Variants in GALNT9 observed in about 807,000 individuals in gnomAD.
GALNT9 encodes polypeptide N-acetylgalactosaminyltransferase 9, also known as GalNAc transferase 9.
GALNT9 carries 47 observed loss-of-function variants against 63.1 expected under a neutral mutation model. That is an observed-to-expected ratio of 0.75 (90% confidence interval 0.59 to 0.95). The LOEUF (loss-of-function observed/expected upper bound fraction) is 0.95, where lower values mean the gene tolerates loss of function less well. Among genes scored for constraint, GALNT9 ranks in the 40% least tolerant of loss-of-function variants. The probability of loss-of-function intolerance (pLI) is 0.00; values close to 1 mark genes in which losing one functional copy is unlikely to be tolerated. For synonymous variants in GALNT9, 396 were observed against 365.7 expected (o/e 1.08, Z -0.94); for missense variants, 829 against 874.8 (o/e 0.95, Z 0.66).
chr12:132,300,074 C>G (rs1555243697), intron 1 of GALNT9, among the ~76,000 whole-genome samples: 1 of 147,482 alleles, frequency 6.8e-6, no homozygotes, highest in Admixed American at 6.8e-5. Flanking sequence ...CTGAGATGAC[C>G]AGCCCACTCC....
At chr12:132,291,388 ACAGCACCCACG>A (rs1555242737) in intron 1 of GALNT9, among the ~76,000 whole-genome samples, 1 of 124,364 alleles carries the variant, frequency 8.0e-6, no homozygotes, top group Non-Finnish European at 1.7e-5. Context: ...ACCCACGTCC[ACAGCACCCACG>A]TCCACAGCGC....
In GALNT9 at chr12:132,197,154, C is replaced by T. The variant is rs1306075615; in HGVS notation, c.1765G>A (p.Gly589Arg). 3 of 1,614,040 alleles carry T rather than the reference C, an allele frequency of 1.9e-6. No homozygotes were observed. The highest frequency in any genetic ancestry group is 2.2e-5 in the South Asian group (2 of 91,090). ...CAGTTTCTGATCATCCACTTCTGCCCCGAGCACCTCTGTACCACCAGCCGG... is the reference window on the plus strand; with the variant it reads ...CAGTTTCTGATCATCCACTTCTGCCTCGAGCACCTCTGTACCACCAGCCGG... ...GLRLVVQRCS[G>R]QKWMIRNWIK... The change falls in exon 11 of 11, where the codon GGG (glycine) becomes AGG (arginine). Residue 589 changes from glycine to arginine, a missense_variant. Transcript: ENST00000328957.
chr12:132,322,555 G>C (rs1161930593), intron 1 of GALNT9, among the ~76,000 whole-genome samples: 2 of 152,238 alleles, frequency 1.3e-5, no homozygotes, highest in Non-Finnish European at 2.9e-5. Context: ...GTGAGTGTTT[G>C]CACAGGGAAT....
At chr12:132,201,374 C>T (rs1208308827) in intron 7 of GALNT9, 113 bp from the exon 8 acceptor site, 1 of 674,896 alleles carries the variant, frequency 1.5e-6, no homozygotes, top group Non-Finnish European at 2.6e-6. Context: ...GAGCAGCCTC[C>T]CCCCCAGTAT....
At position 132,246,666 on chromosome 12, in the gene GALNT9, G is replaced by A. The variant is rs1316588381; in HGVS notation, c.1077+1244C>T. On this transcript the variant is annotated intron_variant, in intron 6 of 10. Transcript: ENST00000328957. The surrounding 1 kb of genome is among the most constrained non-coding windows in gnomAD (Gnocchi z 4.7). ...TCCTGCCTCAGCCTCCTGAGTAGCT[G>A]GGATTATAGGCATGCACCACCATGC... Among the ~76,000 whole-genome samples, 1 of 152,182 alleles carries A rather than the reference G, an allele frequency of 6.6e-6. No individual in the cohort carries two copies. The highest frequency in any genetic ancestry group is 1.5e-5 in the Non-Finnish European group (1 of 68,032).
chr12:132,320,500 A>G (rs988898870), intron 1 of GALNT9, among the ~76,000 whole-genome samples: 5 of 152,272 alleles, frequency 3.3e-5, no homozygotes, highest in Admixed American at 1.3e-4. Context: ...CGTTTCTTAA[A>G]TAAGTGATGG....
intron 6 of GALNT9, chr12:132,205,307 G>A (rs1876597050): frequency 6.6e-6 from 1 of 152,216 alleles, no homozygotes; most frequent in Non-Finnish European, 1.5e-5. Context: ...TCTGCCTTCA[G>A]GAAGCCGAGT....
chr12:132,270,317 T>TCACCAGGAACCTC (rs1555240610), intron 2 of GALNT9, among the ~76,000 whole-genome samples: 1 of 152,084 alleles, frequency 6.6e-6, no homozygotes, highest in Non-Finnish European at 1.5e-5. Context: ...TGAAATACGA[T>TCACCAGGAACCTC]CACCAGGAAC....
chr12:132,305,134 G>C (rs1208202277), intron 1 of GALNT9, among the ~76,000 whole-genome samples: 241 of 20,920 alleles, frequency 0.012, 1 homozygote, highest in Middle Eastern at 0.1. Flanking sequence ...CCCGGGCACA[G>C]CCTCGCCCGG....
At chr12:132,295,303 A>C (rs1292652795) in intron 1 of GALNT9, among the ~76,000 whole-genome samples, 1 of 152,240 alleles carries the variant, frequency 6.6e-6, no homozygotes, top group Non-Finnish European at 1.5e-5. Context: ...GGCGCTGTGC[A>C]GGCAGGGAAG....
chr12:132,268,593 C>T (rs1315192302), intron 2 of GALNT9, among the ~76,000 whole-genome samples: 3 of 152,236 alleles, frequency 2.0e-5, no homozygotes, highest in African/African-American at 7.2e-5. Context: ...GAAAGACACT[C>T]AGGTGTAGAA....
chr12:132,197,717 G>A, intron 10 of GALNT9, 75 bp downstream of exon 10: 2 of 1,153,410 alleles, frequency 1.7e-6, no homozygotes, highest in East Asian at 5.2e-5. Context: ...GCTGGCTCTA[G>A]TGGCAGAGGC....
intron 6 of GALNT9, chr12:132,205,311 G>C (rs1876597247): frequency 6.6e-6 from 1 of 152,240 alleles, no homozygotes; most frequent in Admixed American, 6.5e-5. Flanking sequence ...CCTTCAGGAA[G>C]CCGAGTCCCA....
At chr12:132,248,592 T>A (rs1555238279) in intron 5 of GALNT9, among the ~76,000 whole-genome samples, 2 of 152,204 alleles carry the variant, frequency 1.3e-5, no homozygotes, top group Non-Finnish European at 2.9e-5. Context: ...TAACTGTGTA[T>A]CAGGAGCCAG....
intron 2 of GALNT9, among the ~76,000 whole-genome samples, chr12:132,270,195 T>A (rs1879814022): frequency 1.3e-5 from 2 of 152,248 alleles, no homozygotes; most frequent in South Asian, 4.1e-4. Context: ...TTGTAAACTA[T>A]GGAATCAATA....
chr12:132,221,658 CAAAAA>C (rs761220333), intron 6 of GALNT9, among the ~76,000 whole-genome samples: 6 of 79,634 alleles, frequency 7.5e-5, no homozygotes, highest in African/African-American at 1.0e-4. Flanking sequence ...GAGACGTTCT[CAAAAA>C]AAAAAAAAAA....
At chr12:132,207,538 G>A (rs1021933977) in intron 6 of GALNT9, among the ~76,000 whole-genome samples, 9 of 152,258 alleles carry the variant, frequency 5.9e-5, no homozygotes, top group South Asian at 2.1e-4. Context: ...GGGTGGTGCC[G>A]AGGCCCCTTC....
chr12:132,270,568 TTTGACTTCAA>T (rs1439781501), intron 2 of GALNT9, among the ~76,000 whole-genome samples: 2 of 152,248 alleles, frequency 1.3e-5, no homozygotes, highest in Non-Finnish European at 2.9e-5. Flanking sequence ...AGGAACTCAA[TTTGACTTCAA>T]TTGACTTCAA....
At chr12:132,269,062 C>G (rs1182846719) in intron 2 of GALNT9, among the ~76,000 whole-genome samples, 1 of 152,246 alleles carries the variant, frequency 6.6e-6, no homozygotes, top group Non-Finnish European at 1.5e-5. Flanking sequence ...CTCCATTAGA[C>G]AGGACTGAAA....
Sources: allele counts gnomAD v4.1 joint callset (sites outside exome capture counted in the v4.1 genomes callset), GRCh38; gene constraint gnomAD v4.1.1; non-coding constraint Gnocchi (gnomAD v3.1); transcripts MANE v1.5; gene names NCBI Gene and HGNC (gene_info 2026-07-23, HGNC 2026-07-21).